Variants in LRP1B observed in about 807,000 individuals in gnomAD.
The protein encoded by LRP1B is low-density lipoprotein receptor-related protein 1B.
In LRP1B, 217 loss-of-function variants were observed where a neutral mutation model predicts 556.6. The observed-to-expected ratio is 0.39, with a 90% CI of 0.35 to 0.44. The LOEUF (loss-of-function observed/expected upper bound fraction) is 0.44, where lower values mean the gene tolerates loss of function less well. Ranked by LOEUF, LRP1B falls within the 20% of genes least tolerant of loss-of-function variation. The pLI, the probability that LRP1B is intolerant of heterozygous loss-of-function variation, is 1.00. For missense variants in LRP1B, 5,053 were observed against 5,620.8 expected, an observed-to-expected ratio of 0.90 and a Z score of 3.23; for synonymous variants, 2,047 against 1,865.8, an observed-to-expected ratio of 1.10 and a Z score of -2.50.
intron 6 of LRP1B, among the ~76,000 whole-genome samples, chr2:141,207,765 T>TC (rs1202395559): frequency 2.0e-5 from 3 of 152,162 alleles, no homozygotes; most frequent in Non-Finnish European, 2.9e-5. Flanking sequence ...AACCTCTGCC[T>TC]CCCCGGTTCA....
chr2:141,903,084 T>C (rs763048410), intron 1 of LRP1B, among the ~76,000 whole-genome samples: 1 of 151,832 alleles, frequency 6.6e-6, no homozygotes, highest in Non-Finnish European at 1.5e-5. Flanking sequence ...TTCTTCAATA[T>C]TGACAATGTT....
intron 1 of LRP1B, among the ~76,000 whole-genome samples, chr2:142,071,537 T>A (rs1212024382): frequency 6.6e-6 from 1 of 152,024 alleles, no homozygotes; most frequent in Non-Finnish European, 1.5e-5. Context: ...GGAAATTACA[T>A]GAAATTTAAA....
intron 1 of LRP1B, among the ~76,000 whole-genome samples, chr2:142,129,620 CTCTCTCTCTCTT>C (rs1707779370): frequency 9.2e-6 from 1 of 108,630 alleles, no homozygotes; most frequent in Non-Finnish European, 1.9e-5. Context: ...CTCTCTCTCT[CTCTCTCTCTCTT>C]ATTTAAACTA....
intron 2 of LRP1B, among the ~76,000 whole-genome samples, chr2:141,495,014 C>A (rs940660783): frequency 6.6e-6 from 1 of 151,746 alleles, no homozygotes; most frequent in Non-Finnish European, 1.5e-5. Context: ...ATTGCAATAC[C>A]CCTTTGGGAA....
chr2:140,821,739 G>A (rs568151009), intron 31 of LRP1B, among the ~76,000 whole-genome samples: 2 of 152,218 alleles, frequency 1.3e-5, no homozygotes, highest in East Asian at 3.9e-4. Context: ...GGATTACATT[G>A]AAAATAAAGG....
chr2:141,393,281 A>T (rs568725751), intron 3 of LRP1B, among the ~76,000 whole-genome samples: 40 of 152,282 alleles, frequency 2.6e-4, no homozygotes, highest in African/African-American at 8.9e-4. Context: ...GAAGCAGTTA[A>T]TGAGGAGCTT....
chr2:141,208,616 C>T (rs62174289), intron 6 of LRP1B, among the ~76,000 whole-genome samples: 9,182 of 151,628 alleles, frequency 0.061, 381 homozygotes, highest in South Asian at 0.13. Flanking sequence ...GCCTGTAATC[C>T]CAGAACTCTG....
chr2:140,345,650 A>G (rs544395674), intron 77 of LRP1B, among the ~76,000 whole-genome samples: 316 of 147,252 alleles, frequency 2.1e-3, no homozygotes, highest in Non-Finnish European at 3.9e-3. Context: ...GTATGTATAT[A>G]TGTGTGTGTG....
chr2:141,301,332 C>T (rs1161534631), intron 3 of LRP1B, among the ~76,000 whole-genome samples: 4 of 152,054 alleles, frequency 2.6e-5, no homozygotes, highest in Non-Finnish European at 5.9e-5. Flanking sequence ...CAAGTTATGG[C>T]TATGGTAATA....
intron 7 of LRP1B, among the ~76,000 whole-genome samples, chr2:141,151,944 G>T (rs888184849): frequency 3.3e-5 from 5 of 151,850 alleles, no homozygotes; most frequent in Admixed American, 6.6e-5. Context: ...ACAAATATAA[G>T]AAAAATAGTA....
chr2:141,455,660 C>A (rs1681603581), intron 3 of LRP1B, among the ~76,000 whole-genome samples: 1 of 152,102 alleles, frequency 6.6e-6, no homozygotes, highest in Non-Finnish European at 1.5e-5. Context: ...CTTAGCAACT[C>A]AGTAACCACC....
intron 43 of LRP1B, among the ~76,000 whole-genome samples, chr2:140,559,899 C>T (rs1249639446): frequency 1.3e-5 from 2 of 151,822 alleles, no homozygotes; most frequent in Non-Finnish European, 2.9e-5. Flanking sequence ...CTGTTTCAGG[C>T]AAAAACATGA....
intron 2 of LRP1B, among the ~76,000 whole-genome samples, chr2:141,707,338 G>T (rs370439533): frequency 2.0e-5 from 3 of 151,984 alleles, no homozygotes; most frequent in South Asian, 2.1e-4. Context: ...TGAACAAAAG[G>T]TCCTACTGTT....
chr2:141,052,190 C>T (rs1699054818), intron 10 of LRP1B, among the ~76,000 whole-genome samples: 1 of 151,976 alleles, frequency 6.6e-6, no homozygotes, highest in Admixed American at 6.6e-5. Flanking sequence ...GTCTTCATTG[C>T]CCTCATAGCC....
chr2:141,291,855 C>CAAAAAAAAAAAAAAAA (rs143819331), intron 3 of LRP1B, among the ~76,000 whole-genome samples: 6 of 99,334 alleles, frequency 6.0e-5, no homozygotes, highest in Non-Finnish European at 7.8e-5. Context: ...GACTCTGTCT[C>CAAAAAAAAAAAAAAAA]AAAAAAAAAA....
At chr2:141,494,644 A>T (rs927995113) in intron 2 of LRP1B, among the ~76,000 whole-genome samples, 6 of 151,638 alleles carry the variant, frequency 4.0e-5, no homozygotes, top group African/African-American at 1.5e-4. Context: ...ACTGCTAAAT[A>T]CACAGTATTT....
chr2:141,246,939 C>A (rs893833247), intron 5 of LRP1B, among the ~76,000 whole-genome samples: 7 of 151,630 alleles, frequency 4.6e-5, no homozygotes, highest in African/African-American at 1.7e-4. Flanking sequence ...CACTCCAGCT[C>A]CAGACTGGGT....
intron 31 of LRP1B, among the ~76,000 whole-genome samples, chr2:140,823,133 T>C (rs968755901): frequency 6.6e-6 from 1 of 152,138 alleles, no homozygotes; most frequent in Non-Finnish European, 1.5e-5. Flanking sequence ...ATACAGGTAC[T>C]ATAAAGGGTG....
intron 1 of LRP1B, among the ~76,000 whole-genome samples, chr2:141,918,126 C>A (rs919136475): frequency 6.6e-6 from 1 of 151,602 alleles, no homozygotes; most frequent in African/African-American, 2.4e-5. Context: ...AAGAGAAGAA[C>A]CCTATATACT....
Sources: allele counts gnomAD v4.1 joint callset (sites outside exome capture counted in the v4.1 genomes callset), GRCh38; gene constraint gnomAD v4.1.1; transcripts MANE v1.5; gene names NCBI Gene and HGNC (gene_info 2026-07-23, HGNC 2026-07-21).